Variants in CHRNA4 observed in about 807,000 individuals in gnomAD.
CHRNA4 encodes cholinergic receptor nicotinic alpha 4 subunit.
A neutral mutation model predicts 48.9 loss-of-function variants in CHRNA4; 28 were observed. The ratio of observed to expected loss-of-function variants is 0.57; its 90% confidence interval spans 0.42 to 0.79. The LOEUF (loss-of-function observed/expected upper bound fraction) is 0.79, where lower values mean the gene tolerates loss of function less well. Ranked by LOEUF, CHRNA4 falls within the 30% of genes least tolerant of loss-of-function variation. The probability of loss-of-function intolerance (pLI) is 0.00; values close to 1 mark genes in which losing one functional copy is unlikely to be tolerated. For missense variants in CHRNA4, 859 were observed against 898.4 expected (o/e 0.96, Z 0.56); for synonymous variants, 425 against 402.3 (o/e 1.06, Z -0.68).
At chr20:63,349,421 C>T (rs769406249) in intron 5 of CHRNA4, 27 of 601,018 alleles carry the variant, frequency 4.5e-5, no homozygotes, top group African/African-American at 7.4e-5. Context: ...GAGACGGCAC[C>T]GGGATCCACC....
intron 2 of CHRNA4, among the ~76,000 whole-genome samples, chr20:63,357,234 T>A (rs1165127681): frequency 1.3e-5 from 2 of 149,330 alleles, no homozygotes; most frequent in African/African-American, 5.0e-5. Flanking sequence ...CAGGACCACG[T>A]CCCACAGACC....
chr20:63,349,790 A>T lies in CHRNA4; in HGVS notation c.1621T>A (p.Ser541Thr), dbSNP rs768067299. The stretch of plus-strand genomic sequence containing the variant: ...CGGGTCTTGACCGTGGCGCTCGGGG[A>T]CACCGAAGAGGGCTCCTTCTTGCAT... ...CTCKKEPSSV[S>T]PSATVKTRST... is the part of the protein sequence containing the mutation. Residue 541 changes from serine to threonine, a missense_variant, in exon 5 of 6, where the codon TCC becomes ACC. Around this residue, in one of 3 missense-constraint regions of CHRNA4, gnomAD observed 478 missense variants for 455.4 expected, o/e 1.05. Coordinates refer to ENST00000370263, the MANE Select transcript of CHRNA4 (RefSeq NM_000744.7). The T allele has an allele frequency of 4.4e-6, 7 of 1,608,332 alleles. No homozygotes were observed. Among genetic ancestry groups the T allele is most frequent in the Non-Finnish European group, 5.9e-6 (7 of 1,176,574 alleles).
chr20:63,353,613 G>A lies in CHRNA4; in HGVS notation c.383+2362C>T, dbSNP rs575874056. ...GGGACTGCAGTCCTAGGGGGCTGTG[G>A]TCCTAGAGGGGGCTGTGGTCCTGGA... is the stretch of plus-strand genomic sequence containing the variant. On this transcript the variant is annotated intron_variant, in intron 4 of 5. Coordinates refer to ENST00000370263, the MANE Select transcript of CHRNA4 (RefSeq NM_000744.7). 2.9e-3 allele frequency among the ~76,000 whole-genome samples: 322 copies of A among 112,048 alleles called. 5 individuals carry two copies. The highest frequency in any genetic ancestry group is 9.8e-3 in the African/African-American group (281 of 28,530). The allele number at this position is 112,048 out of a possible 152,430, so 73.5% of individuals were successfully genotyped here. A position where few individuals can be genotyped will look rare whatever the true frequency, so the allele number is the denominator to read the frequency against.
intron 4 of CHRNA4, chr20:63,354,655 TC>T: frequency 1.2e-6 from 1 of 868,566 alleles, no homozygotes; most frequent in Non-Finnish European, 1.4e-6. Context: ...GCTGTGGTCC[TC>T]AGAGGCTTCG....
At chr20:63,351,272 G>A (rs928187927) in intron 4 of CHRNA4, 14 of 88,950 alleles carry the variant, frequency 1.6e-4, no homozygotes, top group African/African-American at 3.8e-4. Context: ...ACACACAGAG[G>A]CATTCTCACG....
Position 63,350,077 on chromosome 20 carries a change from G to T in CHRNA4, c.1334C>A (p.Ser445Ter). ...GTGGGGCGGGCGGCAGGGTCCAGGCGAGGGGTGGGGGCTGGCTTTCTCAGC... is the reference window on the plus strand; with the variant it reads ...GTGGGGCGGGCGGCAGGGTCCAGGCTAGGGGTGGGGGCTGGCTTTCTCAGC... ...LEAEKASPHP[S>*]PGPCRPPHGT... Residue 445 changes from serine to a stop codon, truncating the protein, a stop_gained, in exon 5 of 6, where the codon TCG becomes TAG. Coordinates refer to ENST00000370263, the MANE Select transcript of CHRNA4 (RefSeq NM_000744.7). LOFTEE classifies it high-confidence loss of function. The T allele has an allele frequency of 6.6e-7, 1 of 1,521,092 alleles. No homozygotes were observed. The highest frequency in any genetic ancestry group is 2.4e-5 in the East Asian group (1 of 42,342). The allele number at this position is 1,521,092 out of a possible 1,614,324, so 94.2% of individuals were successfully genotyped here.
rs1188309157 is a variant in CHRNA4, at chr20:63,361,320, C to T, written c.-155G>A. 5.1e-5 allele frequency: 59 copies of T among 1,155,238 alleles called. 2 individuals are homozygous for T. Among genetic ancestry groups the T allele is most frequent in the Middle Eastern group, 3.5e-4 (1 of 2,866 alleles). The allele number at this position is 1,155,238 out of a possible 1,614,324, so 71.6% of individuals were successfully genotyped here. A position where few individuals can be genotyped will look rare whatever the true frequency, so the allele number is the denominator to read the frequency against. On this transcript the variant is annotated 5_prime_UTR_variant, in exon 1 of 6. Transcript: ENST00000370263. ...TCTCCTGTGGGGCGCGGTGCGGCGG[C>T]GGCGCGGCAGGGAGCGCCGGGCTGT...
In CHRNA4 at chr20:63,345,045, G is replaced by T. The variant is rs1568802751; in HGVS notation, c.*1693C>A. ...GTGACCAGCAGCAGTTCAGAGGCAGGTGTGGGCAATGTGGGCCTGAGTCTC... is the reference window on the plus strand; with the variant it reads ...GTGACCAGCAGCAGTTCAGAGGCAGTTGTGGGCAATGTGGGCCTGAGTCTC... On this transcript the variant is annotated 3_prime_UTR_variant, in exon 6 of 6. Coordinates refer to ENST00000370263, the MANE Select transcript of CHRNA4 (RefSeq NM_000744.7). The surrounding 1 kb of genome is among the most constrained non-coding windows in gnomAD (Gnocchi z 5.4). The T allele has an allele frequency of 8.8e-6, 4 of 453,500 alleles. No homozygotes were observed. Among genetic ancestry groups the T allele is most frequent in the Admixed American group, 2.4e-5 (1 of 42,528 alleles). 28.1% of individuals were successfully genotyped at this position (453,500 alleles called of 1,614,324 possible).
At chr20:63,360,492 G>GCC (rs2068799956) in intron 1 of CHRNA4, among the ~76,000 whole-genome samples, 1 of 152,146 alleles carries the variant, frequency 6.6e-6, no homozygotes, top group African/African-American at 2.4e-5. Flanking sequence ...TGTCCTGGGC[G>GCC]CTGCCATAAG....
chr20:63,358,340 T>G (rs1305751869), intron 2 of CHRNA4, among the ~76,000 whole-genome samples: 27 of 152,302 alleles, frequency 1.8e-4, no homozygotes, highest in Admixed American at 1.8e-3. Context: ...CCTGGGATAG[T>G]GAAGCAGCTC....
At position 63,346,595 on chromosome 20, in the gene CHRNA4, A is replaced by T. The variant is rs1423251356; in HGVS notation, c.*143T>A. 2 of 1,202,476 alleles carry T rather than the reference A, an allele frequency of 1.7e-6. No individual in the cohort carries two copies. The highest frequency in any genetic ancestry group is 1.3e-5 in the South Asian group (1 of 76,858). The allele number at this position is 1,202,476 out of a possible 1,614,324, so 74.5% of individuals were successfully genotyped here. On this transcript the variant is annotated 3_prime_UTR_variant, in exon 6 of 6. Coordinates refer to ENST00000370263, the MANE Select transcript of CHRNA4 (RefSeq NM_000744.7). ...GTGTCCCCGTCCAAGGCCGTCTTAC[A>T]GCAGACACAGAACAGGAAGGAAAAT... is the stretch of plus-strand genomic sequence containing the variant.
In CHRNA4 at chr20:63,349,667, C is replaced by G; in HGVS notation, c.1744G>C (p.Asp582His). Reference protein sequence around the residue: ...QYIADHLKAEDTDFSVKEDWK... With the variant: ...QYIADHLKAEHTDFSVKEDWK... Reference sequence around the variant, plus strand: ...GCGGGACTTACCGAGAAGTCTGTGTCTTCGGCCTTCAGGTGGTCTGCAATG... The same window carrying G: ...GCGGGACTTACCGAGAAGTCTGTGTGTTCGGCCTTCAGGTGGTCTGCAATG... Residue 582 changes from aspartate (D) to histidine (H), a missense_variant, in exon 5 of 6, where the codon GAC becomes CAC. This residue lies in a region of CHRNA4 where 478 missense variants were observed against 455.4 expected (regional missense o/e 1.05). Transcript: ENST00000370263. The G allele has an allele frequency of 6.2e-7, 1 of 1,612,868 alleles. No individual in the cohort carries two copies. Among genetic ancestry groups the G allele is most frequent in the Non-Finnish European group, 8.5e-7 (1 of 1,179,886 alleles).
At chr20:63,357,319 G>A (rs534540961) in intron 2 of CHRNA4, among the ~76,000 whole-genome samples, 238 of 148,350 alleles carry the variant, frequency 1.6e-3, no homozygotes, top group African/African-American at 3.9e-3. Flanking sequence ...ACCTCATCCC[G>A]TGTGTCTGAG....
At position 63,345,097 on chromosome 20, in the gene CHRNA4, G is replaced by A; in HGVS notation, c.*1641C>T. ...TCCCCACTCACGTCACTGCCCGCGG[G>A]GACACAGCGGCATTTCTGGGGCACT... On this transcript the variant is annotated 3_prime_UTR_variant, in exon 6 of 6. Coordinates refer to ENST00000370263, the MANE Select transcript of CHRNA4 (RefSeq NM_000744.7). The surrounding 1 kb of genome is among the most constrained non-coding windows in gnomAD (Gnocchi z 5.4). 2.2e-6 allele frequency: 1 copy of A among 454,052 alleles called. No homozygotes were observed. The highest frequency in any genetic ancestry group is 1.6e-5 in the South Asian group (1 of 64,468). The allele number at this position is 454,052 out of a possible 1,614,324, so 28.1% of individuals were successfully genotyped here.
chr20:63,343,908 C>T lies in CHRNA4; in HGVS notation c.*2830G>A, dbSNP rs180742819. 65 of 454,102 alleles carry T rather than the reference C, an allele frequency of 1.4e-4. No individual in the cohort carries two copies. The East Asian group carries it at 2.6e-3, about 18-fold the overall frequency. 28.1% of individuals were successfully genotyped at this position (454,102 alleles called of 1,614,324 possible). A position where few individuals can be genotyped will look rare whatever the true frequency, so the allele number is the denominator to read the frequency against. The stretch of plus-strand genomic sequence containing the variant: ...GGGTTCTAGGCAAGCTGTCCACCCC[C>T]GGGAACTAACTGGCCCTAGGAGGAG... On this transcript the variant is annotated 3_prime_UTR_variant, in exon 6 of 6. Coordinates refer to ENST00000370263, the MANE Select transcript of CHRNA4 (RefSeq NM_000744.7).
chr20:63,355,617 AC>A, intron 4 of CHRNA4: 1 of 1,309,948 alleles, frequency 7.6e-7, no homozygotes, highest in South Asian at 1.2e-5. Context: ...GGGGGCAAAG[AC>A]GTCGCGGGTC....
At chr20:63,346,932 C>T (rs897203483) in intron 5 of CHRNA4, 69 bp from the exon 6 acceptor site, 33 of 1,603,366 alleles carry the variant, frequency 2.1e-5, no homozygotes, top group Non-Finnish European at 2.8e-5. Flanking sequence ...CTCAGGACCC[C>T]GGCGCCGCCG....
rs769813725 is a variant in CHRNA4 at position 63,350,778 on chromosome 20, G to A, written c.633C>T (p.Ile211=). Residue 211 remains isoleucine, a synonymous_variant, in exon 5 of 6, where the codon ATC becomes ATT. Coordinates refer to ENST00000370263, the MANE Select transcript of CHRNA4 (RefSeq NM_000744.7). ...LDFWESGEWV[I]VDAVGTYNTR... is the part of the protein sequence containing the mutation. ...TGTTGTAGGTGCCCACGGCATCCACGATGACCCACTCGCCACTCTCCCAGA... is the reference window on the plus strand; with the variant it reads ...TGTTGTAGGTGCCCACGGCATCCACAATGACCCACTCGCCACTCTCCCAGA... 23 of 1,613,792 alleles carry A rather than the reference G, an allele frequency of 1.4e-5. No individual in the cohort carries two copies. Among genetic ancestry groups the A allele is most frequent in the Admixed American group, 1.2e-4 (7 of 60,016 alleles).
intron 4 of CHRNA4, among the ~76,000 whole-genome samples, chr20:63,352,543 G>C (rs1743903293): frequency 6.6e-6 from 1 of 152,180 alleles, no homozygotes; most frequent in Non-Finnish European, 1.5e-5. Flanking sequence ...CCCTCCAGCG[G>C]GGGGCGGGGC....
Sources: allele counts gnomAD v4.1 joint callset (sites outside exome capture counted in the v4.1 genomes callset), GRCh38; gene constraint gnomAD v4.1.1; regional missense constraint gnomAD v4.1.1; non-coding constraint Gnocchi (gnomAD v3.1); transcripts MANE v1.5; gene names NCBI Gene and HGNC (gene_info 2026-07-23, HGNC 2026-07-21).